The following EXOC2 variants were observed in gnomAD, a reference collection of about 807,000 sequenced individuals.
EXOC2 encodes the protein SEC5-like 1.
Under a neutral mutation model 131.8 loss-of-function variants are expected in EXOC2, and 70 were observed. The ratio of observed to expected loss-of-function variants is 0.53; its 90% CI spans 0.44 to 0.65. The LOEUF (loss-of-function observed/expected upper bound fraction) is 0.65, where lower values mean the gene tolerates loss of function less well. EXOC2 is among the 30% of genes least tolerant of loss of function. EXOC2 has a pLI of 0.00. For missense variants in EXOC2, 923 were observed against 1,108.6 expected, an observed-to-expected ratio of 0.83 and a Z score of 2.38; for synonymous variants, 411 against 398.4, an observed-to-expected ratio of 1.03 and a Z score of -0.38.
chr6:567,223 C>T (rs1194945732), intron 13 of EXOC2, among the ~76,000 whole-genome samples: 1 of 152,214 alleles, frequency 6.6e-6, no homozygotes, highest in East Asian at 1.9e-4. Context: ...CCCAGCCCTC[C>T]CACTGCTCAG....
At position 579,779 on chromosome 6, in the gene EXOC2, CAA is replaced by C. The variant is rs1758784442; in HGVS notation, c.1193-2899_1193-2898del. Among the ~76,000 whole-genome samples, 7 of 151,200 alleles carry C rather than the reference CAA, an allele frequency of 4.6e-5. No homozygotes were observed. The South Asian group carries it at 8.4e-4, about 18-fold the overall frequency. On this transcript the variant is annotated intron_variant, in intron 11 of 27. Transcript: ENST00000230449. Reference sequence around the variant, plus strand: ...GACCAAGTGTCAAAAAAAAAACAAACAACTTGATAATTCTGACACTCCTTTTA... The same window carrying C: ...GACCAAGTGTCAAAAAAAAAACAAACCTTGATAATTCTGACACTCCTTTTA...
At chr6:488,088 T>G (rs1380106565) in intron 27 of EXOC2, among the ~76,000 whole-genome samples, 2 of 152,226 alleles carry the variant, frequency 1.3e-5, no homozygotes, top group Admixed American at 1.3e-4. Context: ...TCTGCACAGC[T>G]GCCATGTGCC....
intron 8 of EXOC2, 38 bp downstream of exon 8, chr6:599,041 AT>A (rs753967604): frequency 1.3e-6 from 2 of 1,578,744 alleles, no homozygotes; most frequent in Middle Eastern, 1.7e-4. Context: ...AATGTATGAC[AT>A]CTACAACCAT....
At chr6:641,450 C>CATG (rs1762349492) in intron 1 of EXOC2, among the ~76,000 whole-genome samples, 1 of 152,140 alleles carries the variant, frequency 6.6e-6, no homozygotes, top group Non-Finnish European at 1.5e-5. Flanking sequence ...CCAGAAAGAC[C>CATG]ATGGGATTAG....
At chr6:548,294 C>T (rs937039530) in intron 22 of EXOC2, among the ~76,000 whole-genome samples, 1 of 152,094 alleles carries the variant, frequency 6.6e-6, no homozygotes, top group African/African-American at 2.4e-5. Flanking sequence ...CTGGAACCAC[C>T]ATTTATAAAA....
At chr6:672,662 TAAGGA>T (rs1763925687) in intron 1 of EXOC2, among the ~76,000 whole-genome samples, 1 of 152,202 alleles carries the variant, frequency 6.6e-6, no homozygotes, top group Non-Finnish European at 1.5e-5. Context: ...CTGAGGGATA[TAAGGA>T]AAGTTGTTGA....
intron 23 of EXOC2, among the ~76,000 whole-genome samples, chr6:514,494 T>C (rs1765025745): frequency 6.6e-6 from 1 of 152,236 alleles, no homozygotes; most frequent in Admixed American, 6.5e-5. Context: ...GGTTTAACTT[T>C]CTTAACAAAT....
At position 521,975 on chromosome 6, in the gene EXOC2, C is replaced by T. The variant is rs56389945; in HGVS notation, c.2380+10494G>A. ...GAAAATAACTATTAATATAAAAAACCCAAGGGTAAATTTCGTATTTTATTG... is the reference window on the plus strand; with the variant it reads ...GAAAATAACTATTAATATAAAAAACTCAAGGGTAAATTTCGTATTTTATTG... On this transcript the variant is annotated intron_variant, in intron 23 of 27. Transcript: ENST00000230449. 2.7e-3 allele frequency among the ~76,000 whole-genome samples: 411 copies of T among 152,116 alleles called. 3 individuals are homozygous for T. Among genetic ancestry groups the T allele is most frequent in the African/African-American group, 9.4e-3 (391 of 41,496 alleles).
chr6:567,677 C>G (rs531750745), intron 13 of EXOC2, among the ~76,000 whole-genome samples: 3 of 152,040 alleles, frequency 2.0e-5, no homozygotes, highest in Admixed American at 1.3e-4. Context: ...TGTTGTGTGT[C>G]TGTTGTGTGT....
At chr6:633,951 G>C (rs1404316048) in intron 2 of EXOC2, among the ~76,000 whole-genome samples, 1 of 152,218 alleles carries the variant, frequency 6.6e-6, no homozygotes, top group East Asian at 1.9e-4. Context: ...TGGTCAGCTA[G>C]CCTTCCAACT....
At chr6:646,450 T>G (rs895854630) in intron 1 of EXOC2, among the ~76,000 whole-genome samples, 2 of 152,194 alleles carry the variant, frequency 1.3e-5, no homozygotes, top group African/African-American at 4.8e-5. Context: ...GGAGTTACTT[T>G]TACTATTCTG....
chr6:499,688 T>G lies in EXOC2; in HGVS notation c.2393A>C (p.Tyr798Ser). The G allele has an allele frequency of 1.9e-6, 3 of 1,613,790 alleles. No individual in the cohort carries two copies. The highest frequency in any genetic ancestry group is 2.5e-6 in the Non-Finnish European group (3 of 1,179,760). Residue 798 changes from tyrosine (Y) to serine (S), a missense_variant, in exon 24 of 28, where the codon TAT becomes TCT. By Grantham distance (144) the Tyr-to-Ser change is moderately radical. Transcript: ENST00000230449. The part of the protein sequence containing the change: ...DCLPPTGVRN[Y>S]LKEALVNIIA... ...TATATTCACCAGTGCTTCTTTTAAATAGTTTCTGACACCTGAAATTGAAAT... is the reference window on the plus strand; with the variant it reads ...TATATTCACCAGTGCTTCTTTTAAAGAGTTTCTGACACCTGAAATTGAAAT...
At chr6:682,351 T>C (rs1447814913) in intron 1 of EXOC2, among the ~76,000 whole-genome samples, 2 of 151,876 alleles carry the variant, frequency 1.3e-5, no homozygotes, top group African/African-American at 2.4e-5. Flanking sequence ...AGGCAACCAC[T>C]ACCACGCCCG....
At chr6:607,308 A>G (rs1398066129) in intron 7 of EXOC2, among the ~76,000 whole-genome samples, 1 of 152,260 alleles carries the variant, frequency 6.6e-6, no homozygotes. Context: ...CAGCTCTGCT[A>G]CTTACTACTT....
intron 4 of EXOC2, among the ~76,000 whole-genome samples, chr6:628,254 G>T (rs1761678508): frequency 6.6e-6 from 1 of 152,188 alleles, no homozygotes; most frequent in African/African-American, 2.4e-5. Flanking sequence ...AGAGAGTTTT[G>T]CCCCACACAA....
At position 685,869 on chromosome 6, in the gene EXOC2, C is replaced by CTTTTTTTTT. The variant is rs58892194; in HGVS notation, c.-44+7141_-44+7149dup. Among the ~76,000 whole-genome samples the CTTTTTTTTT allele has an allele frequency of 4.4e-4, 43 of 98,240 alleles. 3 individuals are homozygous for CTTTTTTTTT. Among genetic ancestry groups the CTTTTTTTTT allele is most frequent in the African/African-American group, 1.6e-3 (40 of 25,020 alleles). The allele number at this position is 98,240 out of a possible 152,430, so 64.4% of individuals were successfully genotyped here. On this transcript the variant is annotated intron_variant, in intron 1 of 27. Transcript: ENST00000230449. ...TAATGTATCCTGCTTTCCTGGACCT[C>CTTTTTTTTT]TTTTTTTTTTTTTTTTTTTTTTTTG...
intron 20 of EXOC2, among the ~76,000 whole-genome samples, chr6:554,435 A>G (rs749190066): frequency 2.0e-5 from 3 of 152,232 alleles, no homozygotes; most frequent in Admixed American, 6.5e-5. Flanking sequence ...CATTTAATCC[A>G]TAATATGAGG....
chr6:585,546 G>GA (rs755998567), intron 11 of EXOC2, among the ~76,000 whole-genome samples: 4 of 152,174 alleles, frequency 2.6e-5, no homozygotes, highest in Non-Finnish European at 5.9e-5. Context: ...AGCTTTCTCG[G>GA]AAAAAGGTAG....
chr6:544,516 T>C (rs1433672812), intron 22 of EXOC2, among the ~76,000 whole-genome samples: 1 of 152,224 alleles, frequency 6.6e-6, no homozygotes, highest in Non-Finnish European at 1.5e-5. Context: ...ACTTATTTAT[T>C]ATATAAAATA....
Sources: gnomAD v4.1 joint callset for allele counts (sites outside exome capture counted in the v4.1 genomes callset) on GRCh38, gnomAD v4.1.1 for gene constraint, MANE v1.5 for transcripts, NCBI Gene and HGNC (gene_info 2026-07-23, HGNC 2026-07-21) for gene names.